SPOCK1: variants seen among roughly 807,000 people sequenced by gnomAD.
The protein encoded by SPOCK1 is testican-1.
Under a neutral mutation model 55.3 loss-of-function variants are expected in SPOCK1, and 23 were observed. That is an observed-to-expected ratio of 0.42 (90% CI 0.30 to 0.59). SPOCK1 has a LOEUF of 0.59. SPOCK1 is among the 20% of genes least tolerant of loss of function. The pLI is 0.22. For synonymous variants in SPOCK1, 226 were observed against 221.0 expected, an observed-to-expected ratio of 1.02 and a Z score of -0.20; for missense variants, 499 against 552.5, an observed-to-expected ratio of 0.90 and a Z score of 0.97.
chr5:137,338,041 ACTTT>A (rs1750322926), intron 2 of SPOCK1, among the ~76,000 whole-genome samples: 1 of 152,042 alleles, frequency 6.6e-6, no homozygotes, highest in South Asian at 2.1e-4. Flanking sequence ...TTATTATTAT[ACTTT>A]AAGTTTTAGG....
chr5:137,139,297 A>G (rs896697198), intron 4 of SPOCK1, among the ~76,000 whole-genome samples: 8 of 152,160 alleles, frequency 5.3e-5, no homozygotes, highest in African/African-American at 1.9e-4. Flanking sequence ...GAGAGGCCAG[A>G]GGGGTATGGG....
At chr5:137,193,857 T>C (rs1264016664) in intron 3 of SPOCK1, among the ~76,000 whole-genome samples, 2 of 152,160 alleles carry the variant, frequency 1.3e-5, no homozygotes, top group African/African-American at 2.4e-5. Flanking sequence ...GGTAATAACA[T>C]GGAGGGCTAT....
At chr5:136,991,457 T>C (rs1485969245) in intron 7 of SPOCK1, among the ~76,000 whole-genome samples, 1 of 152,198 alleles carries the variant, frequency 6.6e-6, no homozygotes, top group Admixed American at 6.5e-5. Flanking sequence ...GAAGATCATT[T>C]TTGTTTTGGC....
chr5:137,231,327 G>A (rs1041772014), intron 3 of SPOCK1, among the ~76,000 whole-genome samples: 3 of 152,152 alleles, frequency 2.0e-5, no homozygotes, highest in East Asian at 1.9e-4. Context: ...GATTATAGGC[G>A]TGAGCCACCG....
chr5:137,292,311 A>T (rs1478022170), intron 2 of SPOCK1, among the ~76,000 whole-genome samples: 1 of 151,768 alleles, frequency 6.6e-6, no homozygotes, highest in Admixed American at 6.6e-5. Flanking sequence ...CCCTGAGGAG[A>T]GTTTCGAATG....
chr5:137,316,275 C>A (rs1321748863), intron 2 of SPOCK1, among the ~76,000 whole-genome samples: 2 of 152,160 alleles, frequency 1.3e-5, no homozygotes, highest in Non-Finnish European at 2.9e-5. Context: ...CTCAAAGGAC[C>A]CACCTCTGAA....
chr5:137,310,455 A>G (rs1367063680), intron 2 of SPOCK1, among the ~76,000 whole-genome samples: 1 of 152,244 alleles, frequency 6.6e-6, no homozygotes, highest in Non-Finnish European at 1.5e-5. Flanking sequence ...CATTCCCCAG[A>G]GGAGACTACA....
intron 4 of SPOCK1, among the ~76,000 whole-genome samples, chr5:137,114,978 G>A (rs1414993870): frequency 1.3e-5 from 2 of 152,304 alleles, no homozygotes; most frequent in South Asian, 4.1e-4. Flanking sequence ...GGAGGGAGAC[G>A]TAAGCACTGA....
At chr5:137,114,286 C>T (rs943209574) in intron 4 of SPOCK1, among the ~76,000 whole-genome samples, 2 of 152,164 alleles carry the variant, frequency 1.3e-5, no homozygotes, top group Admixed American at 6.5e-5. Flanking sequence ...CAGAGTCTTA[C>T]CTAAAGTCGT....
intron 2 of SPOCK1, among the ~76,000 whole-genome samples, chr5:137,285,208 G>C (rs1461357726): frequency 6.6e-6 from 1 of 152,176 alleles, no homozygotes; most frequent in Non-Finnish European, 1.5e-5. Flanking sequence ...TTTGGTCATT[G>C]CTTGTCTTCC....
intron 2 of SPOCK1, among the ~76,000 whole-genome samples, chr5:137,491,674 G>C (rs1754181841): frequency 6.6e-6 from 1 of 152,186 alleles, no homozygotes; most frequent in African/African-American, 2.4e-5. Flanking sequence ...GTGTGACCCT[G>C]AGAATTTCCA....
At chr5:137,300,502 T>C (rs1423265884) in intron 2 of SPOCK1, among the ~76,000 whole-genome samples, 1 of 152,206 alleles carries the variant, frequency 6.6e-6, no homozygotes, top group Non-Finnish European at 1.5e-5. Context: ...AAAATAATTT[T>C]TATTTTTATG....
intron 2 of SPOCK1, among the ~76,000 whole-genome samples, chr5:137,338,069 A>T (rs1031636962): frequency 2.0e-5 from 3 of 152,278 alleles, no homozygotes; most frequent in South Asian, 4.1e-4. Flanking sequence ...CATGTGCACA[A>T]CGTGCAGGTT....
At chr5:137,471,372 G>A (rs1753734510) in intron 2 of SPOCK1, among the ~76,000 whole-genome samples, 1 of 152,122 alleles carries the variant, frequency 6.6e-6, no homozygotes, top group South Asian at 2.1e-4. Flanking sequence ...ACACCCAATA[G>A]CTGTGAGGAT....
At chr5:137,365,539 T>C (rs1384613186) in intron 2 of SPOCK1, 2 of 152,238 alleles carry the variant, frequency 1.3e-5, no homozygotes, top group Non-Finnish European at 2.9e-5. Context: ...ACCCTCTCTT[T>C]GGAGGGTCTT....
chr5:137,463,768 C>T (rs576891053), intron 2 of SPOCK1, among the ~76,000 whole-genome samples: 3 of 151,340 alleles, frequency 2.0e-5, no homozygotes, highest in Non-Finnish European at 2.9e-5. Context: ...GCCAACATGG[C>T]AAAACCCCAT....
chr5:137,319,925 C>G (rs1757951015), intron 2 of SPOCK1, among the ~76,000 whole-genome samples: 1 of 138,202 alleles, frequency 7.2e-6, no homozygotes, highest in Non-Finnish European at 1.5e-5. Context: ...GCAGTCCGGC[C>G]TGGGCGACAG....
At chr5:137,336,738 G>T (rs1281920123) in intron 2 of SPOCK1, among the ~76,000 whole-genome samples, 4 of 152,176 alleles carry the variant, frequency 2.6e-5, no homozygotes, top group African/African-American at 9.6e-5. Context: ...TCCAAAGGAG[G>T]CTTGGATAAA....
chr5:137,319,867 C>T (rs1245069849), intron 2 of SPOCK1, among the ~76,000 whole-genome samples: 4 of 147,564 alleles, frequency 2.7e-5, no homozygotes, highest in South Asian at 2.2e-4. Flanking sequence ...ATGGCGTGAA[C>T]CCGGGAAGCG....
Sources: gnomAD v4.1 joint callset for allele counts (sites outside exome capture counted in the v4.1 genomes callset) on GRCh38, gnomAD v4.1.1 for gene constraint, MANE v1.5 for transcripts, NCBI Gene and HGNC (gene_info 2026-07-23, HGNC 2026-07-21) for gene names.